The following HPGDS variants were observed in gnomAD, a reference collection of about 807,000 sequenced individuals.
HPGDS encodes the protein hematopoietic prostaglandin D synthase.
Under a neutral mutation model 23.1 loss-of-function variants are expected in HPGDS, and 26 were observed. The observed-to-expected ratio is 1.13, with a 90% CI of 0.83 to 1.56. The LOEUF (loss-of-function observed/expected upper bound fraction) is 1.56, where lower values mean the gene tolerates loss of function less well. Among genes scored for constraint, HPGDS ranks in the 40% most tolerant of loss-of-function variants. The pLI is 0.00. For synonymous variants in HPGDS, 95 were observed against 77.9 expected (o/e 1.22, Z -1.16); for missense variants, 268 against 236.4 (o/e 1.13, Z -0.88).
intron 1 of HPGDS, among the ~76,000 whole-genome samples, chr4:94,337,794 T>C (rs1263994295): frequency 6.6e-6 from 1 of 152,252 alleles, no homozygotes; most frequent in Admixed American, 6.5e-5. Flanking sequence ...ACAAAGTGAT[T>C]GTTTTTTATT....
At chr4:94,337,649 T>G (rs1026921753) in intron 1 of HPGDS, among the ~76,000 whole-genome samples, 2 of 152,046 alleles carry the variant, frequency 1.3e-5, no homozygotes, top group African/African-American at 2.4e-5. Context: ...CACTCCAGCC[T>G]GGGGGACAGG....
Position 94,299,235 on chromosome 4 carries a change from G to T in HPGDS, c.*245C>A. On this transcript the variant is annotated 3_prime_UTR_variant, in exon 6 of 6. Coordinates refer to ENST00000295256, the MANE Select transcript of HPGDS (RefSeq NM_014485.3). ...GCATGTTAGAACCTGTGCAAAGCAA[G>T]GTCTGCCTGTATTACATACTATTTT... The T allele has an allele frequency of 2.7e-6, 1 of 372,128 alleles. No homozygotes were observed. Among genetic ancestry groups the T allele is most frequent in the Non-Finnish European group, 4.8e-6 (1 of 206,792 alleles). The allele number at this position is 372,128 out of a possible 1,614,324, so 23.1% of individuals were successfully genotyped here.
rs554155793 is a variant in HPGDS, at chr4:94,319,284, T to G, written c.134-1319A>C. Among the ~76,000 whole-genome samples, 16 of 152,312 alleles carry G rather than the reference T, an allele frequency of 1.1e-4. No homozygotes were observed. In the South Asian group the frequency reaches 1.5e-3, roughly 14 times the overall value. On this transcript the variant is annotated intron_variant, in intron 2 of 5. Coordinates refer to ENST00000295256, the MANE Select transcript of HPGDS (RefSeq NM_014485.3). ...ATTATTATATAATGACTTTTTCTCT[T>G]TTTACATTTTTTACTTAAAGTCTAT... is the stretch of plus-strand genomic sequence containing the variant.
At chr4:94,340,311 C>CTTTCTTTCTTTCTTTTTCTTTTCTTTTTT in intron 1 of HPGDS, among the ~76,000 whole-genome samples, 2 of 23,678 alleles carry the variant, frequency 8.4e-5, no homozygotes, top group Non-Finnish European at 1.7e-4. Flanking sequence ...CTTTCTTTCT[C>CTTTCTTTCTTTCTTTTTCTTTTCTTTTTT]TTTTTTTTTT....
intron 5 of HPGDS, among the ~76,000 whole-genome samples, chr4:94,300,179 TTG>T (rs1756013374): frequency 1.3e-5 from 2 of 152,206 alleles, no homozygotes; most frequent in Non-Finnish European, 1.5e-5. Flanking sequence ...CCTTGTTCCT[TTG>T]TACTACGTAG....
intron 3 of HPGDS, among the ~76,000 whole-genome samples, chr4:94,310,651 G>GT (rs575889959): frequency 6.6e-6 from 1 of 152,080 alleles, no homozygotes; most frequent in African/African-American, 2.4e-5. Flanking sequence ...CTTTAAAGTA[G>GT]TTTTTTTCCA....
intron 2 of HPGDS, among the ~76,000 whole-genome samples, chr4:94,322,145 G>A (rs1756524559): frequency 6.6e-6 from 1 of 152,150 alleles, no homozygotes; most frequent in Non-Finnish European, 1.5e-5. Context: ...GGTTTTTGAT[G>A]TGTTGCTGGA....
intron 2 of HPGDS, among the ~76,000 whole-genome samples, chr4:94,322,998 T>G (rs528941911): frequency 6.6e-6 from 1 of 152,362 alleles, no homozygotes; most frequent in South Asian, 2.1e-4. Flanking sequence ...ATATGTTTAT[T>G]TCTGCCTTCA....
intron 2 of HPGDS, among the ~76,000 whole-genome samples, chr4:94,326,783 T>C (rs1340610142): frequency 3.9e-5 from 6 of 152,180 alleles, no homozygotes; most frequent in Admixed American, 3.9e-4. Context: ...TTTTCATATT[T>C]CTTGTGTCTT....
In HPGDS at chr4:94,302,174, C is replaced by G. The variant is rs143378969; in HGVS notation, c.407G>C (p.Gly136Ala). 204 of 1,611,968 alleles carry G rather than the reference C, an allele frequency of 1.3e-4. No individual in the cohort carries two copies. In the East Asian group the frequency reaches 2.7e-3, roughly 21 times the overall value. The change falls in exon 5 of 6, where the codon GGG (glycine) becomes GCG (alanine). Residue 136 changes from glycine to alanine, a missense_variant. Gly to Ala is a moderately conservative substitution (Grantham distance 60). Coordinates refer to ENST00000295256, the MANE Select transcript of HPGDS (RefSeq NM_014485.3). ...GTTACCAATAAGCCATTCTCTCCCC[C>G]CTAAATATGTGTCCAAGTCTTGCAT... ...HLMQDLDTYL[G>A]GREWLIGNSV...
At chr4:94,327,430 G>C (rs1018245027) in intron 2 of HPGDS, among the ~76,000 whole-genome samples, 1 of 152,160 alleles carries the variant, frequency 6.6e-6, no homozygotes, top group African/African-American at 2.4e-5. Flanking sequence ...TGGATAATGT[G>C]CTTGGGTGCC....
chr4:94,309,403 G>C (rs921739235), intron 3 of HPGDS, among the ~76,000 whole-genome samples: 2 of 151,876 alleles, frequency 1.3e-5, no homozygotes, highest in Non-Finnish European at 2.9e-5. Context: ...CCTTGAGATA[G>C]TTTGCTGAGA....
At chr4:94,326,259 A>G (rs1756630281) in intron 2 of HPGDS, among the ~76,000 whole-genome samples, 1 of 152,108 alleles carries the variant, frequency 6.6e-6, no homozygotes, top group African/African-American at 2.4e-5. Context: ...TAGACTTGGG[A>G]AGTTTTAACT....
chr4:94,314,152 C>T (rs1322796909), intron 3 of HPGDS, among the ~76,000 whole-genome samples: 1 of 152,234 alleles, frequency 6.6e-6, no homozygotes, highest in Non-Finnish European at 1.5e-5. Context: ...CAAAGTCATT[C>T]TCTGTCCAGC....
chr4:94,317,380 G>A (rs972499778), intron 3 of HPGDS, among the ~76,000 whole-genome samples: 1 of 152,120 alleles, frequency 6.6e-6, no homozygotes, highest in Non-Finnish European at 1.5e-5. Context: ...CAATCCGGAA[G>A]CCAAGTATCC....
At chr4:94,323,900 G>C (rs759699996) in intron 2 of HPGDS, among the ~76,000 whole-genome samples, 4 of 152,102 alleles carry the variant, frequency 2.6e-5, no homozygotes, top group African/African-American at 9.7e-5. Context: ...GGCTGGTACC[G>C]GTTGTTTCTT....
intron 1 of HPGDS, among the ~76,000 whole-genome samples, chr4:94,336,217 AAAAAG>A (rs1426587488): frequency 6.6e-5 from 10 of 151,848 alleles, no homozygotes; most frequent in Admixed American, 2.6e-4. Context: ...AAAAAAAAAA[AAAAAG>A]AAAGAAAGAA....
At chr4:94,299,970 C>A (rs1180191502) in intron 5 of HPGDS, among the ~76,000 whole-genome samples, 1 of 152,196 alleles carries the variant, frequency 6.6e-6, no homozygotes, top group Non-Finnish European at 1.5e-5. Context: ...TATCCAATAA[C>A]CAATACGTAT....
intron 1 of HPGDS, among the ~76,000 whole-genome samples, chr4:94,336,368 C>A (rs1721012550): frequency 6.6e-6 from 1 of 152,066 alleles, no homozygotes; most frequent in Admixed American, 6.6e-5. Flanking sequence ...TAGAAGCTCC[C>A]AGGTTCAGGA....
Sources: gnomAD v4.1 joint callset for allele counts (sites outside exome capture counted in the v4.1 genomes callset) on GRCh38, gnomAD v4.1.1 for gene constraint, MANE v1.5 for transcripts, NCBI Gene and HGNC (gene_info 2026-07-23, HGNC 2026-07-21) for gene names.